The following IRF2 variants were observed in gnomAD, a reference collection of about 807,000 sequenced individuals.
IRF2 encodes the protein interferon regulatory factor 2.
Under a neutral mutation model 40.6 loss-of-function variants are expected in IRF2, and 15 were observed. The observed-to-expected ratio is 0.37, with a 90% CI of 0.25 to 0.57. IRF2 has a LOEUF of 0.57. IRF2 is among the 20% of genes least tolerant of loss of function. The pLI is 0.77. For missense variants in IRF2, 317 were observed against 455.7 expected (o/e 0.70, Z 2.77); for synonymous variants, 151 against 165.5 (o/e 0.91, Z 0.67).
chr4:184,416,309 CCT>C, intron 5 of IRF2, among the ~76,000 whole-genome samples: 1 of 127,532 alleles, frequency 7.8e-6, no homozygotes, highest in Middle Eastern at 4.5e-3. Context: ...CAGAGTAAGA[CCT>C]TGTCTCAAAA....
chr4:184,447,943 G>A (rs1015091944), intron 1 of IRF2, among the ~76,000 whole-genome samples: 6 of 152,188 alleles, frequency 3.9e-5, no homozygotes, highest in Admixed American at 1.3e-4. Flanking sequence ...GGTGGGAGGC[G>A]ACTCACACAG....
chr4:184,398,865 G>A, intron 7 of IRF2, 50 bp downstream of exon 7: 1 of 1,524,770 alleles, frequency 6.6e-7, no homozygotes, highest in South Asian at 1.3e-5. Context: ...TAGACCAAAG[G>A]ACTGCGCGGC....
intron 7 of IRF2, among the ~76,000 whole-genome samples, chr4:184,396,193 T>A (rs970761525): frequency 2.0e-5 from 3 of 152,196 alleles, no homozygotes; most frequent in Non-Finnish European, 4.4e-5. Flanking sequence ...AATTTAGGCA[T>A]AAACATTCTG....
chr4:184,403,246 T>C (rs1736731148), intron 6 of IRF2, among the ~76,000 whole-genome samples: 1 of 152,094 alleles, frequency 6.6e-6, no homozygotes, highest in Non-Finnish European at 1.5e-5. Context: ...GCATCAACAC[T>C]CTCACTAACC....
intron 1 of IRF2, among the ~76,000 whole-genome samples, chr4:184,458,515 C>G (rs1271026918): frequency 6.6e-6 from 1 of 152,174 alleles, no homozygotes; most frequent in Non-Finnish European, 1.5e-5. Flanking sequence ...TTAATTTCAT[C>G]ATTATCATGT....
chr4:184,396,212 C>T (rs1736449389), intron 7 of IRF2, among the ~76,000 whole-genome samples: 1 of 152,160 alleles, frequency 6.6e-6, no homozygotes, highest in African/African-American at 2.4e-5. Flanking sequence ...TGCTCTGCCT[C>T]CTTTGGTGGG....
rs1414330046 is a variant in IRF2, at chr4:184,388,127, A to G, written c.*631T>C. On this transcript the variant is annotated 3_prime_UTR_variant, in exon 9 of 9. Coordinates refer to ENST00000393593, the MANE Select transcript of IRF2 (RefSeq NM_002199.4). The surrounding 1 kb of genome is among the most constrained non-coding windows in gnomAD (Gnocchi z 4.6). Reference sequence around the variant, plus strand: ...TTTTAAAGCAGTCTGAAAATGGGACATCTGTAGAGAAATTCATTTCCTTCT... The same window carrying G: ...TTTTAAAGCAGTCTGAAAATGGGACGTCTGTAGAGAAATTCATTTCCTTCT... The G allele has an allele frequency of 1.3e-5, 2 of 152,030 alleles. No individual in the cohort carries two copies. Among genetic ancestry groups the G allele is most frequent in the Non-Finnish European group, 2.9e-5 (2 of 67,912 alleles). 9.4% of individuals were successfully genotyped at this position (152,030 alleles called of 1,614,324 possible). A position where few individuals can be genotyped will look rare whatever the true frequency, so the allele number is the denominator to read the frequency against.
chr4:184,425,994 G>T (rs1221307036), intron 2 of IRF2, among the ~76,000 whole-genome samples: 14 of 150,568 alleles, frequency 9.3e-5, no homozygotes, highest in African/African-American at 3.2e-4. Context: ...TTGTTTGTTT[G>T]TTTGTTTGTT....
chr4:184,412,840 C>T (rs2149898141), intron 5 of IRF2, among the ~76,000 whole-genome samples: 1 of 152,336 alleles, frequency 6.6e-6, no homozygotes, highest in South Asian at 2.1e-4. Flanking sequence ...TTGTCTGCAT[C>T]TCTTAGAGAA....
chr4:184,426,444 T>C (rs1341827440), intron 2 of IRF2, among the ~76,000 whole-genome samples: 1 of 152,138 alleles, frequency 6.6e-6, no homozygotes, highest in Non-Finnish European at 1.5e-5. Context: ...GTGTGTGCCT[T>C]CTCCTCTTCT....
intron 1 of IRF2, among the ~76,000 whole-genome samples, chr4:184,455,866 G>A (rs1738905902): frequency 6.6e-6 from 1 of 152,124 alleles, no homozygotes; most frequent in South Asian, 2.1e-4. Flanking sequence ...ACCTTACCCC[G>A]AGCCAACCGC....
chr4:184,409,941 A>G (rs576528311), intron 5 of IRF2, among the ~76,000 whole-genome samples: 1 of 151,968 alleles, frequency 6.6e-6, no homozygotes, highest in African/African-American at 2.4e-5. Context: ...GAAAACAAAA[A>G]ACAAAAAACA....
chr4:184,395,076 C>G (rs1392611646), intron 7 of IRF2, among the ~76,000 whole-genome samples: 2 of 152,116 alleles, frequency 1.3e-5, no homozygotes, highest in Admixed American at 6.5e-5. Context: ...AACTAGCAAA[C>G]AGCAGCCTCC....
Position 184,389,002 on chromosome 4 carries a change from C to T in IRF2, c.806G>A (p.Arg269Gln), listed in dbSNP as rs553456169. ...CATGCCGGGCAGCAGGTAGGAGCCT[C>T]GAGTCCCCATGTTGCTGAGGTACTG... is the stretch of plus-strand genomic sequence containing the variant. ...GKQYLSNMGT[R>Q]GSYLLPGMAS... The change falls in exon 9 of 9, where the codon CGA (arginine) becomes CAA (glutamine). Residue 269 changes from arginine (R) to glutamine (Q), a missense_variant. Transcript: ENST00000393593. 4.8e-5 allele frequency: 78 copies of T among 1,614,086 alleles called. No individual in the cohort carries two copies. Among genetic ancestry groups the T allele is most frequent in the Non-Finnish European group, 6.2e-5 (73 of 1,180,044 alleles).
At chr4:184,458,723 G>A (rs903344433) in intron 1 of IRF2, among the ~76,000 whole-genome samples, 1 of 152,128 alleles carries the variant, frequency 6.6e-6, no homozygotes, top group African/African-American at 2.4e-5. Context: ...GACCTTGCCA[G>A]GCTATAGTTT....
intron 5 of IRF2, among the ~76,000 whole-genome samples, chr4:184,416,273 G>A (rs1335199950): frequency 1.4e-5 from 2 of 146,498 alleles, no homozygotes; most frequent in African/African-American, 5.1e-5. Flanking sequence ...AGCTATGATC[G>A]CGTCACTTCA....
intron 7 of IRF2, among the ~76,000 whole-genome samples, chr4:184,394,002 T>G (rs547472101): frequency 3.3e-4 from 51 of 152,350 alleles, no homozygotes; most frequent in African/African-American, 1.1e-3. Flanking sequence ...TCAACATACG[T>G]TGTCATTTCA....
chr4:184,461,689 C>A (rs1261929525), intron 1 of IRF2, among the ~76,000 whole-genome samples: 1 of 149,092 alleles, frequency 6.7e-6, no homozygotes, highest in African/African-American at 2.5e-5. Flanking sequence ...TACCCGCCCC[C>A]CCACCGCCCC....
intron 1 of IRF2, chr4:184,472,047 A>G (rs1739529586): frequency 6.6e-6 from 1 of 152,248 alleles, no homozygotes; most frequent in African/African-American, 2.4e-5. Context: ...ACAAGTTATA[A>G]TCGTTCACTA....
Sources: allele counts gnomAD v4.1 joint callset (sites outside exome capture counted in the v4.1 genomes callset), GRCh38; gene constraint gnomAD v4.1.1; non-coding constraint Gnocchi (gnomAD v3.1); transcripts MANE v1.5; gene names NCBI Gene and HGNC (gene_info 2026-07-23, HGNC 2026-07-21).